The following DMXL2 variants were observed in gnomAD, a reference collection of about 807,000 sequenced individuals.
The protein encoded by DMXL2 is dmX-like protein 2.
In DMXL2, 103 loss-of-function variants were observed where a neutral mutation model predicts 331.1. The observed-to-expected ratio is 0.31, with a 90% CI of 0.27 to 0.37. The LOEUF (loss-of-function observed/expected upper bound fraction) is 0.37. DMXL2 is among the 10% of genes least tolerant of loss of function. The pLI, the probability that DMXL2 is intolerant of heterozygous loss-of-function variation, is 1.00. For synonymous variants in DMXL2, 1,281 were observed against 1,252.1 expected (o/e 1.02, Z -0.49); for missense variants, 3,171 against 3,642.9 (o/e 0.87, Z 3.33).
intron 8 of DMXL2, among the ~76,000 whole-genome samples, chr15:51,543,752 TATTA>T (rs1361879655): frequency 2.6e-5 from 4 of 152,152 alleles, no homozygotes; most frequent in African/African-American, 7.2e-5. Flanking sequence ...TATCTTAACA[TATTA>T]ATTAATAATA....
chr15:51,474,703 T>A, intron 27 of DMXL2, 111 bp from the exon 28 acceptor site: 1 of 1,190,780 alleles, frequency 8.4e-7, no homozygotes, highest in South Asian at 1.7e-5. Context: ...TTACAAAATA[T>A]TTCCATAATT....
rs763160129 is a variant in DMXL2, at chr15:51,545,758, A to G, written c.755T>C (p.Val252Ala). The G allele has an allele frequency of 1.6e-5, 26 of 1,606,702 alleles. No individual in the cohort carries two copies. The highest frequency in any genetic ancestry group is 3.4e-6 in the Non-Finnish European group (4 of 1,175,278). Residue 252 changes from valine to alanine, a missense_variant, in exon 8 of 44, where the codon GTC becomes GCC. Val to Ala is a moderately conservative substitution (Grantham distance 64). Around this residue, in one of 7 missense-constraint regions of DMXL2, gnomAD observed 1,674 missense variants for 1,780.2 expected, o/e 0.94. Coordinates refer to ENST00000560891, the MANE Select transcript of DMXL2 (RefSeq NM_001378457.1). ...KTSKYMPRGS[V>A]CNVLLTSCHD... The stretch of plus-strand genomic sequence containing the variant: ...ACATGAAGTTAACAACACATTACAG[A>G]CAGAACCCCTAACAACAAAGAGAAA...
At chr15:51,524,168 A>G (rs117251839) in intron 13 of DMXL2, among the ~76,000 whole-genome samples, 2,639 of 152,360 alleles carry the variant, frequency 0.017, 39 homozygotes, top group South Asian at 0.036. Context: ...ACTAGAAATC[A>G]GTAACAGGAC....
intron 6 of DMXL2, among the ~76,000 whole-genome samples, chr15:51,562,133 A>C (rs953663881): frequency 1.3e-5 from 2 of 152,230 alleles, no homozygotes; most frequent in African/African-American, 4.8e-5. Flanking sequence ...TTACCAACAC[A>C]AAAAGAGATA....
In DMXL2 at chr15:51,457,447, G is replaced by A. The variant is rs758537533; in HGVS notation, c.8218C>T (p.Arg2740Cys). ...TGATAAAGAGTTGTAGTGGAACCAC[G>A]ATAATCAACATCATCTGAACTGTGA... is the stretch of plus-strand genomic sequence containing the variant. ...ESKSSDDVDY[R>C]GSTTTLYQPS... Residue 2740 changes from arginine to cysteine, a missense_variant, in exon 37 of 44, where the codon CGT (arginine) becomes TGT (cysteine). Physicochemically the swap from Arg to Cys is radical, Grantham distance 180 (BLOSUM62 -3). Transcript: ENST00000560891. 7.4e-6 allele frequency: 12 copies of A among 1,614,100 alleles called. No homozygotes were observed. The highest frequency in any genetic ancestry group is 1.6e-4 in the Middle Eastern group (1 of 6,062).
chr15:51,483,732 G>A (rs1405479509), intron 23 of DMXL2, among the ~76,000 whole-genome samples: 3 of 152,092 alleles, frequency 2.0e-5, no homozygotes, highest in Non-Finnish European at 4.4e-5. Flanking sequence ...ATAGTCCTTC[G>A]AGCCGCCCCT....
intron 2 of DMXL2, among the ~76,000 whole-genome samples, chr15:51,568,979 G>A (rs1014969158): frequency 1.3e-5 from 2 of 152,168 alleles, no homozygotes; most frequent in East Asian, 1.9e-4. Flanking sequence ...AGGGTGGGGC[G>A]TCACCTCACA....
At chr15:51,478,997 G>A (rs765707372) in intron 25 of DMXL2, among the ~76,000 whole-genome samples, 13 of 151,822 alleles carry the variant, frequency 8.6e-5, no homozygotes, top group Non-Finnish European at 1.9e-4. Flanking sequence ...AAATTTGAAG[G>A]GACCTTAGAA....
At position 51,448,695 on chromosome 15, in the gene DMXL2, T is replaced by G; in HGVS notation, c.*289A>C. On this transcript the variant is annotated 3_prime_UTR_variant, in exon 44 of 44. Transcript: ENST00000560891. ...AAACGTCCTTTTCATTATTTCAAGT[T>G]ACTAATTTGCTAATCTCAAATGTTT... 1 of 389,496 alleles carries G rather than the reference T, an allele frequency of 2.6e-6. No homozygotes were observed. Among genetic ancestry groups the G allele is most frequent in the African/African-American group, 2.0e-5 (1 of 49,844 alleles). 24.1% of individuals were successfully genotyped at this position (389,496 alleles called of 1,614,324 possible). A position where few individuals can be genotyped will look rare whatever the true frequency, so the allele number is the denominator to read the frequency against.
intron 1 of DMXL2, chr15:51,603,555 C>G (rs1225408192): frequency 6.6e-6 from 1 of 152,038 alleles, no homozygotes; most frequent in Non-Finnish European, 1.5e-5. Flanking sequence ...TCTACATAAT[C>G]CTGAGAGAAA....
intron 4 of DMXL2, among the ~76,000 whole-genome samples, 186 bp from the exon 5 acceptor site, chr15:51,564,446 A>G (rs1488163531): frequency 6.6e-6 from 1 of 152,098 alleles, no homozygotes; most frequent in East Asian, 1.9e-4. Flanking sequence ...TCTGGACAAC[A>G]AAGATTCTTA....
chr15:51,514,430 T>C lies in DMXL2; in HGVS notation c.2644+12A>G. 1 of 1,458,008 alleles carries C rather than the reference T, an allele frequency of 6.9e-7. No individual in the cohort carries two copies. Among genetic ancestry groups the C allele is most frequent in the South Asian group, 1.2e-5 (1 of 81,874 alleles). The allele number at this position is 1,458,008 out of a possible 1,614,324, so 90.3% of individuals were successfully genotyped here. ...TGAAGGTAAACAAATGCAGACTATTTTTTTAAAGTACCTTGTGATGGCTGA... is the reference window on the plus strand; with the variant it reads ...TGAAGGTAAACAAATGCAGACTATTCTTTTAAAGTACCTTGTGATGGCTGA... On this transcript the variant is annotated intron_variant, in intron 15 of 43. Coordinates refer to ENST00000560891, the MANE Select transcript of DMXL2 (RefSeq NM_001378457.1).
Position 51,480,137 on chromosome 15 carries a change from T to C in DMXL2, c.6567A>G (p.Glu2189=), listed in dbSNP as rs750109565. The C allele has an allele frequency of 5.2e-6, 8 of 1,524,096 alleles. No individual in the cohort carries two copies. In the South Asian group the frequency reaches 7.6e-5, roughly 14 times the overall value. The allele number at this position is 1,524,096 out of a possible 1,614,324, so 94.4% of individuals were successfully genotyped here. Residue 2189 remains glutamate, a splice_region_variant and synonymous_variant, in exon 25 of 44, where the codon GAA becomes GAG. Transcript: ENST00000560891. The stretch of plus-strand genomic sequence containing the variant: ...GAGACTGGAGCTGCTTTACTGTAGT[T>C]TCCTGTGGGTGATAGTGAATTATTT... ...LKFLLQESQQ[E]TTVKQLQSPL...
intron 23 of DMXL2, 21 bp downstream of exon 23, chr15:51,486,052 G>A (rs750280911): frequency 1.3e-6 from 2 of 1,532,998 alleles, no homozygotes; most frequent in African/African-American, 1.4e-5. Context: ...AGAAAAAAAA[G>A]AAATCCACAA....
At position 51,491,433 on chromosome 15, in the gene DMXL2, T is replaced by C; in HGVS notation, c.4953+145A>G. 4 of 704,546 alleles carry C rather than the reference T, an allele frequency of 5.7e-6. No individual in the cohort carries two copies. In the South Asian group the frequency reaches 7.9e-5, roughly 14 times the overall value. 43.6% of individuals were successfully genotyped at this position (704,546 alleles called of 1,614,324 possible). A position where few individuals can be genotyped will look rare whatever the true frequency, so the allele number is the denominator to read the frequency against. On this transcript the variant is annotated intron_variant, in intron 20 of 43. Coordinates refer to ENST00000560891, the MANE Select transcript of DMXL2 (RefSeq NM_001378457.1). ...TCCAGCCTAGGCGACAAGAGCGAAA[T>C]TCCATCTCCAAAAAAAAAAAAATTC...
chr15:51,459,572 C>T (rs1169816596), intron 34 of DMXL2, 26 bp downstream of exon 34: 1 of 1,289,432 alleles, frequency 7.8e-7, no homozygotes, highest in South Asian at 1.2e-5. Flanking sequence ...AAAGAATGAG[C>T]TAAATACAAG....
chr15:51,559,990 A>G (rs1210529788), intron 6 of DMXL2, among the ~76,000 whole-genome samples: 1 of 152,216 alleles, frequency 6.6e-6, no homozygotes, highest in East Asian at 1.9e-4. Context: ...GACATGTACA[A>G]GACATCTGCT....
chr15:51,540,004 T>G (rs991531804), intron 9 of DMXL2, among the ~76,000 whole-genome samples: 6 of 152,230 alleles, frequency 3.9e-5, no homozygotes, highest in African/African-American at 1.4e-4. Flanking sequence ...ATGACTATTC[T>G]GGTTTTGTGA....
rs1427472926 is a variant in DMXL2 at position 51,474,540 on chromosome 15, T to G, written c.7017A>C (p.Pro2339=). The G allele has an allele frequency of 3.1e-6, 5 of 1,614,150 alleles. No individual in the cohort carries two copies. ...CTTCACATAGCAAAATGTTCAGTTT[T>G]GGCTGGTCTTCATCTTGGGCTGAAC... ...LLSSAQDEDQ[P]KLNILLCEAV... The change falls in exon 28 of 44, where the codon CCA becomes CCC. Residue 2339 remains proline (P), a synonymous_variant. Transcript: ENST00000560891.
Sources: gnomAD v4.1 joint callset for allele counts (sites outside exome capture counted in the v4.1 genomes callset) on GRCh38, gnomAD v4.1.1 for gene constraint, gnomAD v4.1.1 regional missense constraint, MANE v1.5 for transcripts, NCBI Gene and HGNC (gene_info 2026-07-23, HGNC 2026-07-21) for gene names.